Variants in RBFOX1 observed in about 807,000 individuals in gnomAD.
RBFOX1 encodes RNA binding fox-1 homolog 1, also known as RNA binding protein fox-1 homolog 1.
In RBFOX1, 8 loss-of-function variants were observed where a neutral mutation model predicts 57.7. The ratio of observed to expected loss-of-function variants is 0.14; its 90% CI spans 0.08 to 0.25. The LOEUF (loss-of-function observed/expected upper bound fraction) is 0.25. RBFOX1 is among the 10% of genes least tolerant of loss of function. The probability of loss-of-function intolerance (pLI) is 1.00; values close to 1 mark genes in which losing one functional copy is unlikely to be tolerated. For missense variants in RBFOX1, 611 were observed against 548.5 expected, an observed-to-expected ratio of 1.11 and a Z score of -1.14; for synonymous variants, 326 against 222.4, an observed-to-expected ratio of 1.47 and a Z score of -4.15.
chr16:5,431,313 A>G (rs990716252), intron 1 of RBFOX1, among the ~76,000 whole-genome samples: 1 of 152,242 alleles, frequency 6.6e-6, no homozygotes, highest in Non-Finnish European at 1.5e-5. Context: ...CCGTGCAGAA[A>G]TACTTGGTAA....
intron 1 of RBFOX1, among the ~76,000 whole-genome samples, chr16:6,291,723 A>T (rs572279497): frequency 1.3e-5 from 2 of 152,330 alleles, no homozygotes; most frequent in Admixed American, 1.3e-4. Context: ...ATTTTCTCTT[A>T]TCCTCCAACA....
intron 10 of RBFOX1, among the ~76,000 whole-genome samples, chr16:7,617,991 A>G (rs1037896237): frequency 8.4e-6 from 1 of 119,048 alleles, no homozygotes; most frequent in Admixed American, 9.8e-5. Context: ...TATCTTTAGA[A>G]TCCATTGAGA....
At chr16:5,726,574 G>C (rs564445757) in intron 3 of RBFOX1, among the ~76,000 whole-genome samples, 1 of 152,220 alleles carries the variant, frequency 6.6e-6, no homozygotes, top group Non-Finnish European at 1.5e-5. Flanking sequence ...TGGAGTCCAG[G>C]GAAGCAGCCT....
intron 2 of RBFOX1, among the ~76,000 whole-genome samples, chr16:6,319,209 A>C (rs2081469113): frequency 6.6e-6 from 1 of 152,136 alleles, no homozygotes; most frequent in Admixed American, 6.5e-5. Context: ...TGATGTTGTG[A>C]AGAATGCCAT....
At chr16:6,438,432 A>G (rs1051251504) in intron 2 of RBFOX1, among the ~76,000 whole-genome samples, 6 of 152,146 alleles carry the variant, frequency 3.9e-5, no homozygotes, top group African/African-American at 1.4e-4. Flanking sequence ...TTGCTTGACC[A>G]CATCCTGTAG....
intron 4 of RBFOX1, among the ~76,000 whole-genome samples, chr16:7,483,324 T>A (rs1249516506): frequency 2.0e-5 from 3 of 152,176 alleles, no homozygotes; most frequent in Non-Finnish European, 4.4e-5. Context: ...GCAGACCTGT[T>A]GTCCTATCCC....
intron 1 of RBFOX1, among the ~76,000 whole-genome samples, chr16:5,420,279 G>C (rs1266415948): frequency 6.6e-6 from 1 of 152,156 alleles, no homozygotes; most frequent in Non-Finnish European, 1.5e-5. Context: ...TAGGTAACCA[G>C]GGAATAGTAA....
At chr16:6,798,021 A>T (rs886389100) in intron 3 of RBFOX1, among the ~76,000 whole-genome samples, 2 of 152,120 alleles carry the variant, frequency 1.3e-5, no homozygotes, top group African/African-American at 4.8e-5. Flanking sequence ...GATGATGATG[A>T]TGGTGATGAT....
chr16:7,357,744 C>T (rs2097245865), intron 4 of RBFOX1, among the ~76,000 whole-genome samples: 2 of 152,194 alleles, frequency 1.3e-5, no homozygotes, highest in African/African-American at 4.8e-5. Flanking sequence ...GAGGTGCTTC[C>T]TGTGACCAAG....
At chr16:5,700,127 T>C (rs1365532286) in intron 3 of RBFOX1, among the ~76,000 whole-genome samples, 2 of 152,214 alleles carry the variant, frequency 1.3e-5, no homozygotes, top group Non-Finnish European at 2.9e-5. Context: ...CCACCATGCC[T>C]GGCCAGTGTT....
intron 5 of RBFOX1, among the ~76,000 whole-genome samples, chr16:7,546,574 T>A (rs1251255087): frequency 6.6e-6 from 1 of 152,144 alleles, no homozygotes; most frequent in Non-Finnish European, 1.5e-5. Flanking sequence ...GGCTTTGCAA[T>A]GTTTGACAAA....
At chr16:6,743,246 C>A (rs1426750786) in intron 3 of RBFOX1, among the ~76,000 whole-genome samples, 1 of 151,724 alleles carries the variant, frequency 6.6e-6, no homozygotes, top group Non-Finnish European at 1.5e-5. Flanking sequence ...TATTGTGAAA[C>A]AAGACACAAA....
intron 1 of RBFOX1, among the ~76,000 whole-genome samples, chr16:5,408,061 AT>A (rs1268852911): frequency 1.3e-5 from 2 of 149,544 alleles, no homozygotes; most frequent in African/African-American, 4.9e-5. Context: ...GATGTGTTTA[AT>A]TCGGTTGCTT....
At chr16:5,281,967 G>C (rs2063282281) in intron 1 of RBFOX1, among the ~76,000 whole-genome samples, 1 of 152,108 alleles carries the variant, frequency 6.6e-6, no homozygotes, top group Admixed American at 6.5e-5. Flanking sequence ...ATTGTTTTCT[G>C]GTTATTTTGT....
intron 12 of RBFOX1, among the ~76,000 whole-genome samples, chr16:7,659,956 C>A (rs1365044474): frequency 6.6e-6 from 1 of 152,060 alleles, no homozygotes; most frequent in Admixed American, 6.5e-5. Flanking sequence ...ATACACATGC[C>A]AGCTAGTTTC....
At chr16:6,882,461 G>A (rs1419628093) in intron 3 of RBFOX1, among the ~76,000 whole-genome samples, 1 of 152,072 alleles carries the variant, frequency 6.6e-6, no homozygotes, top group Non-Finnish European at 1.5e-5. Context: ...GGGCATGGTG[G>A]TACGTGCTTG....
intron 2 of RBFOX1, among the ~76,000 whole-genome samples, chr16:6,478,690 C>G (rs2095323568): frequency 6.6e-6 from 1 of 151,610 alleles, no homozygotes; most frequent in Non-Finnish European, 1.5e-5. Context: ...GGTCTAATTT[C>G]AAGATTGTTG....
At chr16:7,536,575 C>A (rs1463951333) in intron 5 of RBFOX1, among the ~76,000 whole-genome samples, 1 of 152,208 alleles carries the variant, frequency 6.6e-6, no homozygotes, top group African/African-American at 2.4e-5. Context: ...GCCTGGGCAA[C>A]ACAGTGAGAC....
chr16:5,366,775 G>A, intron 1 of RBFOX1: 1 of 280,876 alleles, frequency 3.6e-6, no homozygotes, highest in Non-Finnish European at 6.9e-6. Context: ...TTTTTGTAAT[G>A]CAGAGTGATA....
Sources: allele counts gnomAD v4.1 joint callset (sites outside exome capture counted in the v4.1 genomes callset), GRCh38; gene constraint gnomAD v4.1.1; transcripts MANE v1.5; gene names NCBI Gene and HGNC (gene_info 2026-07-23, HGNC 2026-07-21).